Variants in STAM observed in about 807,000 individuals in gnomAD.
The protein encoded by STAM is signal transducing adapter molecule 1.
A neutral mutation model predicts 63.4 loss-of-function variants in STAM; 16 were observed. That is an observed-to-expected ratio of 0.25 (90% confidence interval 0.17 to 0.38). The LOEUF (loss-of-function observed/expected upper bound fraction) is 0.38. Ranked by LOEUF, STAM falls within the 10% of genes least tolerant of loss-of-function variation. STAM has a pLI of 1.00. For synonymous variants in STAM, 238 were observed against 223.9 expected (o/e 1.06, Z -0.56); for missense variants, 636 against 657.1 (o/e 0.97, Z 0.35).
chr10:17,666,587 C>T (rs191099443), intron 2 of STAM, among the ~76,000 whole-genome samples: 1,620 of 151,764 alleles, frequency 0.011, 32 homozygotes, highest in African/African-American at 0.036. Flanking sequence ...TTAGTAGAGA[C>T]GGGGTTTCAC....
intron 1 of STAM, among the ~76,000 whole-genome samples, chr10:17,658,763 A>T (rs188776704): frequency 6.6e-6 from 1 of 152,340 alleles, no homozygotes; most frequent in African/African-American, 2.4e-5. Context: ...TTGGGATTAC[A>T]GGCAAAAGCC....
intron 5 of STAM, among the ~76,000 whole-genome samples, chr10:17,690,186 C>T (rs1835470545): frequency 6.6e-6 from 1 of 152,210 alleles, no homozygotes; most frequent in South Asian, 2.1e-4. Flanking sequence ...TGCTGATTCT[C>T]AGTCCAGTGT....
At chr10:17,645,502 T>C (rs1440539232) in intron 1 of STAM, among the ~76,000 whole-genome samples, 2 of 152,220 alleles carry the variant, frequency 1.3e-5, no homozygotes, top group Non-Finnish European at 2.9e-5. Flanking sequence ...GTTAAATTCT[T>C]TGAGTTCCAG....
At chr10:17,659,115 CTT>C (rs147615362) in intron 1 of STAM, among the ~76,000 whole-genome samples, 3 of 148,800 alleles carry the variant, frequency 2.0e-5, no homozygotes, top group Non-Finnish European at 4.5e-5. Context: ...TTTTTAAAAT[CTT>C]TTTTTTTTAG....
chr10:17,704,398 T>C (rs1554828917), intron 9 of STAM, 33 bp from the exon 10 acceptor site: 1 of 1,576,808 alleles, frequency 6.3e-7, no homozygotes, highest in Non-Finnish European at 8.7e-7. Flanking sequence ...TAAAGGTTGG[T>C]AGCTTTTTAT....
intron 2 of STAM, among the ~76,000 whole-genome samples, chr10:17,683,142 G>GT (rs1451283625): frequency 6.6e-6 from 1 of 151,928 alleles, no homozygotes; most frequent in Non-Finnish European, 1.5e-5. Flanking sequence ...CAATCAAATG[G>GT]TTTTTATGGT....
intron 1 of STAM, among the ~76,000 whole-genome samples, chr10:17,647,102 T>C (rs112457951): frequency 1.4e-4 from 21 of 152,234 alleles, no homozygotes; most frequent in Non-Finnish European, 1.6e-4. Context: ...GATTTTTGTT[T>C]GATTTTTTCA....
chr10:17,696,303 G>GTA (rs1254980735), intron 7 of STAM, among the ~76,000 whole-genome samples: 1 of 151,748 alleles, frequency 6.6e-6, no homozygotes, highest in Non-Finnish European at 1.5e-5. Flanking sequence ...ACCTAGGAGT[G>GTA]TACTCTTTGC....
intron 5 of STAM, among the ~76,000 whole-genome samples, chr10:17,691,327 G>A (rs1835524157): frequency 1.3e-5 from 2 of 152,108 alleles, no homozygotes; most frequent in South Asian, 4.1e-4. Context: ...GACCATCCTG[G>A]CTAACATGGT....
chr10:17,693,537 A>G (rs782744402), intron 6 of STAM, among the ~76,000 whole-genome samples: 2 of 152,214 alleles, frequency 1.3e-5, no homozygotes, highest in African/African-American at 2.4e-5. Context: ...TCCAAAAACA[A>G]TATCAAGTGC....
intron 1 of STAM, among the ~76,000 whole-genome samples, chr10:17,658,702 G>A (rs1834041904): frequency 1.3e-5 from 2 of 152,124 alleles, no homozygotes; most frequent in South Asian, 4.1e-4. Flanking sequence ...GCCCAGGCTG[G>A]TCTTGAACTC....
Position 17,696,860 on chromosome 10 carries a change from C to A in STAM, c.814C>A (p.Pro272Thr), listed in dbSNP as rs1564563098. 8 of 1,610,612 alleles carry A rather than the reference C, an allele frequency of 5.0e-6. No individual in the cohort carries two copies. Among genetic ancestry groups the A allele is most frequent in the Non-Finnish European group, 6.8e-6 (8 of 1,176,832 alleles). Residue 272 changes from proline to threonine, a missense_variant, in exon 8 of 14, where the codon CCA (proline) becomes ACA (threonine). Physicochemically the swap from Pro to Thr is conservative, Grantham distance 38. Transcript: ENST00000377524. ...NFVTADLTAE[P>T]EMIKTEKKTV... is the part of the protein sequence containing the mutation. ...TGTGACTGCAGATCTCACTGCTGAA[C>A]CAGAAATGAGTAAGTATTTTCCAGC...
At chr10:17,687,246 G>A (rs999594109) in intron 4 of STAM, among the ~76,000 whole-genome samples, 53 of 152,230 alleles carry the variant, frequency 3.5e-4, no homozygotes, top group Non-Finnish European at 7.4e-4. Flanking sequence ...AGGCTGAGGC[G>A]GGCGAATCAG....
At chr10:17,706,255 A>G (rs1836264079) in intron 12 of STAM, among the ~76,000 whole-genome samples, 1 of 151,718 alleles carries the variant, frequency 6.6e-6, no homozygotes, top group Non-Finnish European at 1.5e-5. Flanking sequence ...TTTAAAGGAA[A>G]TAGCTTTTAT....
intron 5 of STAM, 33 bp from the exon 6 acceptor site, chr10:17,693,189 A>T: frequency 1.3e-6 from 2 of 1,580,994 alleles, no homozygotes; most frequent in Non-Finnish European, 1.7e-6. Flanking sequence ...TTTGATAACA[A>T]CCCTCAAATA....
intron 2 of STAM, among the ~76,000 whole-genome samples, chr10:17,677,498 G>A (rs1227755850): frequency 4.6e-5 from 7 of 151,726 alleles, no homozygotes; most frequent in South Asian, 2.1e-4. Flanking sequence ...TTTTTATGTC[G>A]GCATGGTATT....
intron 13 of STAM, among the ~76,000 whole-genome samples, chr10:17,710,445 T>C (rs1589118315): frequency 7.7e-6 from 1 of 130,242 alleles, no homozygotes; most frequent in African/African-American, 2.8e-5. Context: ...AAGGAACACA[T>C]GTTTATTTCA....
At position 17,708,838 on chromosome 10, in the gene STAM, C is replaced by T. The variant is rs782081358; in HGVS notation, c.1272C>T (p.His424=). ...TTGCAGGGAACGCGCAGATGAGCCA[C>T]CTCCAGAGCTACAGTCTTCCCCCGG... ...YLVAGNAQMS[H]LQSYSLPPEQ... The change falls in exon 13 of 14, where the codon CAC becomes CAT. Residue 424 remains histidine, a synonymous_variant. Transcript: ENST00000377524. 18 of 1,614,040 alleles carry T rather than the reference C, an allele frequency of 1.1e-5. 2 individuals carry two copies. The South Asian group carries it at 1.4e-4, about 13-fold the overall frequency.
At chr10:17,700,810 A>T (rs1406847067) in intron 9 of STAM, among the ~76,000 whole-genome samples, 3 of 152,200 alleles carry the variant, frequency 2.0e-5, no homozygotes, top group African/African-American at 7.2e-5. Context: ...TGAGGAAGGG[A>T]CACTCATTGA....
Sources: allele counts gnomAD v4.1 joint callset (sites outside exome capture counted in the v4.1 genomes callset), GRCh38; gene constraint gnomAD v4.1.1; transcripts MANE v1.5; gene names NCBI Gene and HGNC (gene_info 2026-07-23, HGNC 2026-07-21).